Variants in PARD3B observed in about 807,000 individuals in gnomAD.
PARD3B encodes par-3 family cell polarity regulator beta, also known as partitioning defective 3 homolog B.
A neutral mutation model predicts 130.2 loss-of-function variants in PARD3B; 103 were observed. That is an observed-to-expected ratio of 0.79 (90% CI 0.67 to 0.93). The LOEUF (loss-of-function observed/expected upper bound fraction) is 0.93, where lower values mean the gene tolerates loss of function less well. PARD3B is among the 40% of genes least tolerant of loss of function. The pLI is 0.00. For missense variants in PARD3B, 1,609 were observed against 1,499.2 expected (o/e 1.07, Z -1.21); for synonymous variants, 583 against 553.2 (o/e 1.05, Z -0.76).
At chr2:204,729,826 T>A (rs1055322438) in intron 2 of PARD3B, among the ~76,000 whole-genome samples, 14 of 151,926 alleles carry the variant, frequency 9.2e-5, no homozygotes, top group East Asian at 1.9e-4. Flanking sequence ...ACCCATATTT[T>A]AAAAAAAAAT....
intron 4 of PARD3B, among the ~76,000 whole-genome samples, chr2:205,069,459 T>A (rs1178551596): frequency 1.3e-5 from 2 of 152,188 alleles, no homozygotes; most frequent in African/African-American, 2.4e-5. Context: ...TGTTTGGTTT[T>A]ATTTCTGACC....
intron 21 of PARD3B, among the ~76,000 whole-genome samples, chr2:205,553,023 AAAG>A (rs71712626): frequency 0.82 from 123,747 of 151,426 alleles, 55,990 homozygotes; most frequent in East Asian, 1. Flanking sequence ...GGTTTTAAAA[AAAG>A]AAGAAGAAGA....
chr2:205,254,463 G>C (rs1322407693), intron 16 of PARD3B, among the ~76,000 whole-genome samples: 1 of 151,872 alleles, frequency 6.6e-6, no homozygotes, highest in Non-Finnish European at 1.5e-5. Flanking sequence ...AGGATGTATT[G>C]GTTTTCCTAA....
At chr2:205,283,593 T>C (rs1214529209) in intron 16 of PARD3B, among the ~76,000 whole-genome samples, 1 of 152,182 alleles carries the variant, frequency 6.6e-6, no homozygotes. Flanking sequence ...GTGACCTTAT[T>C]TGAATCAAAA....
chr2:204,766,006 T>C (rs922089506), intron 2 of PARD3B, among the ~76,000 whole-genome samples: 2 of 152,218 alleles, frequency 1.3e-5, no homozygotes, highest in African/African-American at 4.8e-5. Context: ...CAAATTAATT[T>C]TAAAATTTTA....
At chr2:204,653,605 A>G (rs1386708059) in intron 1 of PARD3B, among the ~76,000 whole-genome samples, 1 of 150,684 alleles carries the variant, frequency 6.6e-6, no homozygotes, top group Non-Finnish European at 1.5e-5. Flanking sequence ...AGCCTGACCA[A>G]CAAGGTGAAA....
chr2:205,451,574 T>C (rs2048105893), intron 20 of PARD3B, among the ~76,000 whole-genome samples: 1 of 152,108 alleles, frequency 6.6e-6, no homozygotes, highest in Non-Finnish European at 1.5e-5. Context: ...ATTAACTCCC[T>C]GTGAGAGGCT....
intron 1 of PARD3B, 181 bp downstream of exon 1, chr2:204,546,300 G>A: frequency 2.3e-6 from 2 of 868,310 alleles, no homozygotes; most frequent in Non-Finnish European, 3.5e-6. Flanking sequence ...TGTGGGCCTT[G>A]AGCTCCGAGG....
intron 2 of PARD3B, among the ~76,000 whole-genome samples, chr2:204,846,997 G>A (rs1318214303): frequency 5.9e-5 from 9 of 151,954 alleles, no homozygotes; most frequent in African/African-American, 2.2e-4. Context: ...TATTTGAAGT[G>A]TGTTACTTTT....
intron 18 of PARD3B, among the ~76,000 whole-genome samples, chr2:205,334,930 C>T (rs1475009736): frequency 6.6e-6 from 1 of 152,156 alleles, no homozygotes; most frequent in Non-Finnish European, 1.5e-5. Flanking sequence ...CACATTCCTC[C>T]CTCAAATGTG....
intron 1 of PARD3B, among the ~76,000 whole-genome samples, chr2:204,617,542 T>C (rs1363126821): frequency 1.3e-5 from 2 of 151,658 alleles, no homozygotes; most frequent in East Asian, 3.9e-4. Context: ...TTTCCAACAT[T>C]TTTTTTTCTT....
Position 204,810,702 on chromosome 2 carries a change from C to G in PARD3B, c.222+124420C>G, listed in dbSNP as rs561126137. 3.9e-5 allele frequency among the ~76,000 whole-genome samples: 6 copies of G among 152,128 alleles called. No individual in the cohort carries two copies. In the South Asian group the frequency reaches 8.3e-4, roughly 21 times the overall value. ...TAGCTTTTTGATGTGTTGCTGGGTT[C>G]AGTTTGCCAGCATTTTGCTGAGGAT... On this transcript the variant is annotated intron_variant, in intron 2 of 22. Transcript: ENST00000406610.
intron 16 of PARD3B, among the ~76,000 whole-genome samples, chr2:205,248,808 C>G (rs901428843): frequency 6.6e-6 from 1 of 151,384 alleles, no homozygotes; most frequent in Admixed American, 6.6e-5. Context: ...AAGGTTTCAC[C>G]ATGTTAGCCA....
At position 204,701,737 on chromosome 2, in the gene PARD3B, T is replaced by A. The variant is rs184528438; in HGVS notation, c.222+15455T>A. ...GAGGAAGCAATTTTATTTTATTATT[T>A]TTTTTTTCTTTTTCAACTTTTAGCT... On this transcript the variant is annotated intron_variant, in intron 2 of 22. Coordinates refer to ENST00000406610, the MANE Select transcript of PARD3B (RefSeq NM_001302769.2). 7.9e-3 allele frequency among the ~76,000 whole-genome samples: 1,205 copies of A among 152,272 alleles called. 15 individuals carry two copies. Among genetic ancestry groups the A allele is most frequent in the African/African-American group, 0.026 (1,063 of 41,560 alleles).
intron 2 of PARD3B, among the ~76,000 whole-genome samples, chr2:204,876,215 A>G (rs1195229273): frequency 6.6e-6 from 1 of 152,190 alleles, no homozygotes; most frequent in Non-Finnish European, 1.5e-5. Context: ...TTAATTTTGG[A>G]TTTAATCTTT....
chr2:204,753,966 A>G (rs1216676656), intron 2 of PARD3B, among the ~76,000 whole-genome samples: 2 of 152,294 alleles, frequency 1.3e-5, no homozygotes, highest in Admixed American at 6.5e-5. Context: ...AATATATCCA[A>G]AGGTCAGGAA....
At chr2:205,020,266 C>A (rs1001898861) in intron 3 of PARD3B, among the ~76,000 whole-genome samples, 3 of 152,090 alleles carry the variant, frequency 2.0e-5, no homozygotes, top group Non-Finnish European at 4.4e-5. Flanking sequence ...CCTTGTGTGG[C>A]ATTTAAAGAG....
chr2:205,344,406 G>A (rs2043670932), intron 18 of PARD3B, among the ~76,000 whole-genome samples: 1 of 152,084 alleles, frequency 6.6e-6, no homozygotes, highest in Non-Finnish European at 1.5e-5. Context: ...GGAGAGGGAT[G>A]ATAGATCAGT....
chr2:205,021,648 CTCTATA>C lies in PARD3B; in HGVS notation c.395-25931_395-25926del, dbSNP rs765863101. Among the ~76,000 whole-genome samples the C allele has an allele frequency of 1.2e-4, 16 of 128,776 alleles. No individual in the cohort carries two copies. The highest frequency in any genetic ancestry group is 1.7e-4 in the African/African-American group (6 of 35,150). 84.5% of individuals were successfully genotyped at this position (128,776 alleles called of 152,430 possible). A position where few individuals can be genotyped will look rare whatever the true frequency, so the allele number is the denominator to read the frequency against. ...TCTCTCTTTCTCTCTCTCTCTCTCT[CTCTATA>C]TATATATATATAGTTAATCTTTTCA... is the stretch of plus-strand genomic sequence containing the variant. On this transcript the variant is annotated intron_variant, in intron 3 of 22. Transcript: ENST00000406610. This position sits in a 1 kb window ranked among gnomAD's most constrained non-coding sequence, Gnocchi z 4.5.
Sources: gnomAD v4.1 joint callset for allele counts (sites outside exome capture counted in the v4.1 genomes callset) on GRCh38, gnomAD v4.1.1 for gene constraint, Gnocchi (gnomAD v3.1) non-coding constraint, MANE v1.5 for transcripts, NCBI Gene and HGNC (gene_info 2026-07-23, HGNC 2026-07-21) for gene names.